Variants in TBC1D2B observed in about 807,000 individuals in gnomAD.
TBC1D2B encodes the protein TBC1 domain family member 2B.
TBC1D2B carries 64 observed loss-of-function variants against 100.8 expected under a neutral mutation model. The observed-to-expected ratio is 0.64, with a 90% confidence interval of 0.52 to 0.78. The LOEUF is 0.78. Ranked by LOEUF, TBC1D2B falls within the 30% of genes least tolerant of loss-of-function variation. TBC1D2B has a pLI of 0.00. For missense variants in TBC1D2B, 1,052 were observed against 1,218.4 expected, an observed-to-expected ratio of 0.86 and a Z score of 2.03; for synonymous variants, 480 against 479.7, an observed-to-expected ratio of 1.00 and a Z score of -0.01.
At position 78,001,753 on chromosome 15, in the gene TBC1D2B, CA is replaced by C; in HGVS notation, c.2575-14del. The C allele has an allele frequency of 1.3e-6, 2 of 1,598,468 alleles. No individual in the cohort carries two copies. Among genetic ancestry groups the C allele is most frequent in the South Asian group, 2.3e-5 (2 of 88,162 alleles). The stretch of plus-strand genomic sequence containing the variant: ...AACGGAAAATAACCTGTGGAATAAA[CA>C]GGGAAATCTGTTAGTGGAAAAACCC... On this transcript the variant is annotated splice_polypyrimidine_tract_variant and intron_variant, in intron 11 of 12. Transcript: ENST00000300584.
At chr15:78,069,132 C>G (rs145898427) in intron 1 of TBC1D2B, among the ~76,000 whole-genome samples, 2 of 152,212 alleles carry the variant, frequency 1.3e-5, no homozygotes, top group Non-Finnish European at 2.9e-5. Flanking sequence ...GTCCACCCCC[C>G]TCAGACGTGA....
intron 1 of TBC1D2B, among the ~76,000 whole-genome samples, chr15:78,067,131 T>C (rs1327928178): frequency 6.6e-6 from 1 of 152,194 alleles, no homozygotes; most frequent in Non-Finnish European, 1.5e-5. Flanking sequence ...TAAAATATCG[T>C]TCATGTGTTT....
At chr15:78,012,175 G>A (rs2072248482) in intron 9 of TBC1D2B, among the ~76,000 whole-genome samples, 1 of 152,208 alleles carries the variant, frequency 6.6e-6, no homozygotes, top group South Asian at 2.1e-4. Flanking sequence ...GCGCCAGCCA[G>A]GTAAGAAGCA....
intron 10 of TBC1D2B, among the ~76,000 whole-genome samples, chr15:78,005,239 C>A (rs1386253344): frequency 6.6e-6 from 1 of 152,172 alleles, no homozygotes; most frequent in Non-Finnish European, 1.5e-5. Context: ...TTCAAGCTCC[C>A]TCCTCCACTG....
chr15:78,057,643 C>G (rs1203485454), intron 1 of TBC1D2B, among the ~76,000 whole-genome samples: 1 of 150,186 alleles, frequency 6.7e-6, no homozygotes, highest in African/African-American at 2.5e-5. Context: ...GACTCTGTCT[C>G]AAAGAAAAAA....
At chr15:78,058,704 G>C (rs2073479597) in intron 1 of TBC1D2B, among the ~76,000 whole-genome samples, 1 of 152,206 alleles carries the variant, frequency 6.6e-6, no homozygotes, top group South Asian at 2.1e-4. Flanking sequence ...TGAGGACCGG[G>C]AAGGATCACC....
chr15:78,074,868 C>T (rs757379094), intron 1 of TBC1D2B, among the ~76,000 whole-genome samples: 2 of 152,200 alleles, frequency 1.3e-5, no homozygotes, highest in African/African-American at 4.8e-5. Context: ...TTTACTACTG[C>T]ATAATATTCC....
chr15:78,077,662 G>C lies in TBC1D2B; in HGVS notation c.-10C>G, dbSNP rs1398598940. 1 of 983,934 alleles carries C rather than the reference G, an allele frequency of 1.0e-6. No homozygotes were observed. Among genetic ancestry groups the C allele is most frequent in the African/African-American group, 1.8e-5 (1 of 56,150 alleles). 61.0% of individuals were successfully genotyped at this position (983,934 alleles called of 1,614,324 possible). A position where few individuals can be genotyped will look rare whatever the true frequency, so the allele number is the denominator to read the frequency against. On this transcript the variant is annotated 5_prime_UTR_variant, in exon 1 of 13. Coordinates refer to ENST00000300584, the MANE Select transcript of TBC1D2B (RefSeq NM_144572.2). ...CTCCGGCCCCCGGCATCGCTACCGC[G>C]CGCCAACCGTAGGCGCCCGCGCCCT...
intron 4 of TBC1D2B, among the ~76,000 whole-genome samples, chr15:78,029,054 T>C (rs1382733172): frequency 6.7e-6 from 1 of 148,572 alleles, no homozygotes; most frequent in Non-Finnish European, 1.5e-5. Context: ...GAAGTTGTGG[T>C]TATAATTTTT....
intron 9 of TBC1D2B, among the ~76,000 whole-genome samples, chr15:78,009,749 C>A (rs1310215019): frequency 6.6e-6 from 1 of 152,148 alleles, no homozygotes; most frequent in Admixed American, 6.5e-5. Context: ...CCGAGGCGGG[C>A]AGATCACGAG....
At chr15:78,071,484 A>C (rs2073742343) in intron 1 of TBC1D2B, among the ~76,000 whole-genome samples, 1 of 152,236 alleles carries the variant, frequency 6.6e-6, no homozygotes, top group African/African-American at 2.4e-5. Context: ...TGCCTCTGCT[A>C]TAACAGTGTC....
chr15:78,035,987 G>C (rs1290955189), intron 3 of TBC1D2B, among the ~76,000 whole-genome samples: 1 of 152,216 alleles, frequency 6.6e-6, no homozygotes, highest in Non-Finnish European at 1.5e-5. Context: ...TGAGAGCACA[G>C]CTTTGGTGCA....
chr15:78,031,495 A>G (rs1414477943), intron 3 of TBC1D2B, among the ~76,000 whole-genome samples: 4 of 148,570 alleles, frequency 2.7e-5, no homozygotes, highest in African/African-American at 9.9e-5. Context: ...CGGAGGTTAC[A>G]GTGAGAAGAG....
At chr15:77,999,627 C>T (rs1038577832) in intron 12 of TBC1D2B, among the ~76,000 whole-genome samples, 3 of 152,196 alleles carry the variant, frequency 2.0e-5, no homozygotes, top group African/African-American at 4.8e-5. Context: ...CACAGGGTCC[C>T]CACCACCAGT....
chr15:78,049,232 C>T (rs930452658), intron 2 of TBC1D2B, among the ~76,000 whole-genome samples: 8 of 152,196 alleles, frequency 5.3e-5, no homozygotes, highest in Non-Finnish European at 8.8e-5. Context: ...TGGTTAATTG[C>T]TCATTTGCCT....
At chr15:78,050,907 T>C (rs1240173591) in intron 2 of TBC1D2B, among the ~76,000 whole-genome samples, 2 of 152,264 alleles carry the variant, frequency 1.3e-5, no homozygotes, top group Non-Finnish European at 2.9e-5. Flanking sequence ...CGTGGCCATA[T>C]GCTCAGCTAA....
chr15:78,032,862 A>G (rs1247878991), intron 3 of TBC1D2B, among the ~76,000 whole-genome samples: 1 of 152,146 alleles, frequency 6.6e-6, no homozygotes. Context: ...CAACAAATGA[A>G]AAAAAGGAAG....
intron 1 of TBC1D2B, among the ~76,000 whole-genome samples, chr15:78,072,980 G>A (rs1264541425): frequency 2.0e-5 from 3 of 152,120 alleles, no homozygotes; most frequent in Non-Finnish European, 4.4e-5. Context: ...TATCCAAAAA[G>A]GACAGATATT....
intron 2 of TBC1D2B, among the ~76,000 whole-genome samples, chr15:78,049,890 G>A (rs1451250292): frequency 6.6e-6 from 1 of 152,096 alleles, no homozygotes; most frequent in South Asian, 2.1e-4. Context: ...GGGAAATTAT[G>A]ATGTGCTCAA....
Sources: gnomAD v4.1 joint callset for allele counts (sites outside exome capture counted in the v4.1 genomes callset) on GRCh38, gnomAD v4.1.1 for gene constraint, MANE v1.5 for transcripts, NCBI Gene and HGNC (gene_info 2026-07-23, HGNC 2026-07-21) for gene names.